The following LARP1B variants were observed in gnomAD, a reference collection of about 807,000 sequenced individuals.
LARP1B encodes la-related protein 1B.
Under a neutral mutation model 114.2 loss-of-function variants are expected in LARP1B, and 76 were observed. That is an observed-to-expected ratio of 0.67 (90% CI 0.55 to 0.81). The LOEUF (loss-of-function observed/expected upper bound fraction) is 0.81, where lower values mean the gene tolerates loss of function less well. LARP1B is among the 30% of genes least tolerant of loss of function. The probability of loss-of-function intolerance (pLI) is 0.00; values close to 1 mark genes in which losing one functional copy is unlikely to be tolerated. For synonymous variants in LARP1B, 345 were observed against 348.0 expected, an observed-to-expected ratio of 0.99 and a Z score of 0.10; for missense variants, 1,014 against 1,075.8, an observed-to-expected ratio of 0.94 and a Z score of 0.80.
chr4:128,062,383 C>G (rs1365743797), intron 1 of LARP1B, among the ~76,000 whole-genome samples: 1 of 152,184 alleles, frequency 6.6e-6, no homozygotes, highest in African/African-American at 2.4e-5. Context: ...TTCACTCTGC[C>G]TATTTACAGA....
At chr4:128,097,774 G>T (rs957799529) in intron 7 of LARP1B, among the ~76,000 whole-genome samples, 1 of 152,114 alleles carries the variant, frequency 6.6e-6, no homozygotes, top group Non-Finnish European at 1.5e-5. Context: ...TGGGAAAAAG[G>T]TGGAAGGCAT....
At position 128,091,106 on chromosome 4, in the gene LARP1B, G is replaced by T; in HGVS notation, c.464G>T (p.Arg155Leu). ...RGSFRGRGRG[R>L]GRGRGRGRGN... ...TCCTTTAGAGGTCGAGGAAGAGGCC[G>T]AGGACGGGGAAGAGGACGAGGCAGA... The change falls in exon 6 of 20, where the codon CGA becomes CTA. Residue 155 changes from arginine to leucine, a missense_variant. Physicochemically the swap from Arg to Leu is moderately radical, Grantham distance 102. Transcript: ENST00000326639. 1.2e-6 allele frequency: 2 copies of T among 1,613,762 alleles called. No individual in the cohort carries two copies. The highest frequency in any genetic ancestry group is 1.7e-6 in the Non-Finnish European group (2 of 1,179,746).
At chr4:128,172,937 A>ATTGTGTGTG (rs1554053300) in intron 12 of LARP1B, among the ~76,000 whole-genome samples, 5 of 137,000 alleles carry the variant, frequency 3.6e-5, no homozygotes, top group African/African-American at 1.4e-4. Flanking sequence ...ATCCCATCCA[A>ATTGTGTGTG]TGTGTGTGTG....
chr4:128,199,916 T>C (rs1755418135), intron 16 of LARP1B, among the ~76,000 whole-genome samples: 1 of 152,144 alleles, frequency 6.6e-6, no homozygotes, highest in African/African-American at 2.4e-5. Context: ...TGAAACTCCA[T>C]CTGTACTAAA....
intron 17 of LARP1B, among the ~76,000 whole-genome samples, chr4:128,203,928 C>T (rs1756817901): frequency 6.6e-6 from 1 of 152,144 alleles, no homozygotes; most frequent in South Asian, 2.1e-4. Context: ...TTTTCTACTC[C>T]TCTGAGCTGT....
chr4:128,155,581 C>T (rs1288118392), intron 11 of LARP1B: 6 of 877,304 alleles, frequency 6.8e-6, no homozygotes, highest in Middle Eastern at 2.2e-4. Context: ...CAGCAGTTGC[C>T]CCAGGCCTCT....
intron 19 of LARP1B, among the ~76,000 whole-genome samples, chr4:128,207,856 G>A (rs187075344): frequency 6.6e-6 from 1 of 152,312 alleles, no homozygotes; most frequent in African/African-American, 2.4e-5. Context: ...GCCAGACAAG[G>A]TCCTTTTGCT....
At chr4:128,124,020 TC>T (rs1234008033) in intron 11 of LARP1B, among the ~76,000 whole-genome samples, 4 of 152,216 alleles carry the variant, frequency 2.6e-5, no homozygotes, top group African/African-American at 9.6e-5. Flanking sequence ...TCTGATTCTG[TC>T]TTCTACATGT....
chr4:128,149,759 A>T (rs1731865641), intron 11 of LARP1B, among the ~76,000 whole-genome samples: 1 of 152,194 alleles, frequency 6.6e-6, no homozygotes, highest in African/African-American at 2.4e-5. Flanking sequence ...TAAAGAAGGG[A>T]GACTTAAAGC....
At chr4:128,064,655 C>T (rs1347209496) in intron 1 of LARP1B, among the ~76,000 whole-genome samples, 1 of 152,114 alleles carries the variant, frequency 6.6e-6, no homozygotes, top group Non-Finnish European at 1.5e-5. Context: ...GCTGTTTCAC[C>T]TCTCTACTTC....
intron 11 of LARP1B, among the ~76,000 whole-genome samples, chr4:128,151,165 A>G (rs1285148858): frequency 6.6e-6 from 1 of 152,302 alleles, no homozygotes; most frequent in Admixed American, 6.5e-5. Context: ...GTATAAATAT[A>G]TAGGTGCATA....
intron 1 of LARP1B, among the ~76,000 whole-genome samples, chr4:128,063,660 T>A (rs1207228768): frequency 6.7e-6 from 1 of 149,366 alleles, no homozygotes; most frequent in Non-Finnish European, 1.5e-5. Context: ...ATGCCTGTAA[T>A]CCCGGCTACT....
chr4:128,061,074 G>C (rs893130943), upstream of LARP1B, among the ~76,000 whole-genome samples: 1 of 152,038 alleles, frequency 6.6e-6, no homozygotes, highest in African/African-American at 2.4e-5. Flanking sequence ...GCCTGCAGTC[G>C]GGGCGGCCTC....
intron 5 of LARP1B, among the ~76,000 whole-genome samples, chr4:128,084,974 C>A (rs913473190): frequency 6.6e-6 from 1 of 152,036 alleles, no homozygotes; most frequent in African/African-American, 2.4e-5. Context: ...AGCAATTCTT[C>A]TGTTTCAGCC....
chr4:128,126,811 TG>T (rs67272953), intron 11 of LARP1B, among the ~76,000 whole-genome samples: 81,743 of 144,022 alleles, frequency 0.57, 23,634 homozygotes, highest in Middle Eastern at 0.78. Flanking sequence ...TATTTGTTTT[TG>T]TTTTTTTTTT....
chr4:128,093,134 A>G, intron 7 of LARP1B: 1 of 595,016 alleles, frequency 1.7e-6, no homozygotes, highest in South Asian at 7.4e-5. Context: ...ATTTTGGCAA[A>G]TGTTAGTAGA....
Position 128,118,295 on chromosome 4 carries a change from G to A in LARP1B, c.1162-3531G>A, listed in dbSNP as rs60554491. On this transcript the variant is annotated intron_variant, in intron 10 of 19. Transcript: ENST00000326639. ...TCACTAGGCTGGAGTGCAGTGGCGCGATCTCGGCTCCCTGCAACCTTCACC... is the reference window on the plus strand; with the variant it reads ...TCACTAGGCTGGAGTGCAGTGGCGCAATCTCGGCTCCCTGCAACCTTCACC... Among the ~76,000 whole-genome samples the A allele has an allele frequency of 9.4e-3, 1,364 of 145,498 alleles. 21 individuals carry two copies. Among genetic ancestry groups the A allele is most frequent in the African/African-American group, 0.032 (1,241 of 38,760 alleles).
chr4:128,165,316 TTTTAAATATATG>T (rs1384055388), intron 12 of LARP1B, among the ~76,000 whole-genome samples: 2 of 151,626 alleles, frequency 1.3e-5, no homozygotes, highest in Non-Finnish European at 2.9e-5. Context: ...AATGTCTAGT[TTTTAAATATATG>T]AACAGAAAAA....
chr4:128,068,910 T>A (rs938300901), intron 1 of LARP1B: 1 of 466,708 alleles, frequency 2.1e-6, no homozygotes, highest in Non-Finnish European at 3.8e-6. Context: ...AAAGCATTCA[T>A]GAAGCAGTCT....
Sources: allele counts gnomAD v4.1 joint callset (sites outside exome capture counted in the v4.1 genomes callset), GRCh38; gene constraint gnomAD v4.1.1; transcripts MANE v1.5; gene names NCBI Gene and HGNC (gene_info 2026-07-23, HGNC 2026-07-21).